Variants in RNF212 observed in about 807,000 individuals in gnomAD.
The protein encoded by RNF212 is probable E3 SUMO-protein ligase RNF212.
In RNF212, 33 loss-of-function variants were observed where a neutral mutation model predicts 34.7. That is an observed-to-expected ratio of 0.95 (90% confidence interval 0.72 to 1.27). RNF212 has a LOEUF of 1.27. RNF212 is among the 50% of genes most tolerant of loss of function. RNF212 has a pLI of 0.00. For synonymous variants in RNF212, 140 were observed against 136.1 expected (o/e 1.03, Z -0.20); for missense variants, 377 against 362.2 (o/e 1.04, Z -0.33).
chr4:1,057,054 T>A (rs1217141555), intron 4 of RNF212: 59 of 929,680 alleles, frequency 6.3e-5, no homozygotes, highest in Non-Finnish European at 7.6e-5. Flanking sequence ...GCATCTCTGG[T>A]GACACGGTAG....
intron 2 of RNF212, chr4:1,099,586 A>G (rs28515819): frequency 2.6e-6 from 1 of 385,310 alleles, no homozygotes; most frequent in Non-Finnish European, 5.2e-6. Context: ...TTAGACTTTT[A>G]AAAGTCAAGA....
chr4:1,105,801 T>C (rs1724723130), intron 2 of RNF212, among the ~76,000 whole-genome samples: 1 of 152,238 alleles, frequency 6.6e-6, no homozygotes, highest in Non-Finnish European at 1.5e-5. Flanking sequence ...GTTGGTGATG[T>C]CTCCTCACAT....
rs191845789 is a variant in RNF212 at position 1,095,184 on chromosome 4, G to C, written c.246+1581C>G. Among the ~76,000 whole-genome samples the C allele has an allele frequency of 4.0e-4, 47 of 116,204 alleles. 1 individual carries two copies. In the East Asian group the frequency reaches 0.011, roughly 27 times the overall value. The allele number at this position is 116,204 out of a possible 152,430, so 76.2% of individuals were successfully genotyped here. ...CCCACAGCTCCATGGTCTCGGGATA[G>C]CGCACCTGGCTCATCACAGAACCAA... On this transcript the variant is annotated intron_variant, in intron 3 of 9. Transcript: ENST00000433731.
chr4:1,095,473 G>A (rs78457483), intron 3 of RNF212, among the ~76,000 whole-genome samples: 3 of 22,600 alleles, frequency 1.3e-4, no homozygotes, highest in Non-Finnish European at 4.1e-4. Flanking sequence ...CCACGGTCTC[G>A]GGATAGCGCA....
At chr4:1,070,382 T>C (rs56095683), downstream of RNF212, among the ~76,000 whole-genome samples, 245 of 128,434 alleles carry the variant, frequency 1.9e-3, no homozygotes, top group Non-Finnish European at 2.5e-3. Context: ...TCAGCGTGGG[T>C]GCCTGGCCTG....
At chr4:1,059,302 C>T (rs1440928074) in intron 3 of RNF212, among the ~76,000 whole-genome samples, 1 of 152,226 alleles carries the variant, frequency 6.6e-6, no homozygotes, top group African/African-American at 2.4e-5. Context: ...CTGCAGGTGA[C>T]CCTGAGAAGG....
Position 1,071,630 on chromosome 4 carries a change from G to C in RNF212, c.*1244C>G, listed in dbSNP as rs1718504472. On this transcript the variant is annotated 3_prime_UTR_variant, in exon 10 of 10. Coordinates refer to ENST00000433731, the MANE Select transcript of RNF212 (RefSeq NM_001131034.4). The stretch of plus-strand genomic sequence containing the variant: ...AAAAAATGGGCCAAATACCTTAACA[G>C]ACACTTCAGCAAAGAAGATATGCAG... 6.6e-6 allele frequency: 1 copy of C among 152,150 alleles called. No homozygotes were observed. The highest frequency in any genetic ancestry group is 2.4e-5 in the African/African-American group (1 of 41,430). 9.4% of individuals were successfully genotyped at this position (152,150 alleles called of 1,614,324 possible). A position where few individuals can be genotyped will look rare whatever the true frequency, so the allele number is the denominator to read the frequency against.
At chr4:1,101,144 G>C (rs1222854847) in intron 2 of RNF212, 1 of 174,436 alleles carries the variant, frequency 5.7e-6, no homozygotes, top group Non-Finnish European at 1.3e-5. Flanking sequence ...ATTGGCAGAT[G>C]CTCTTTGTGG....
At position 1,081,457 on chromosome 4, in the gene RNF212, G is replaced by C. The variant is rs146814980; in HGVS notation, c.426C>G (p.His142Gln). The change falls in exon 7 of 10, where the codon CAC becomes CAG. Residue 142 changes from histidine (H) to glutamine (Q), a missense_variant. By Grantham distance (24) the His-to-Gln change is conservative (BLOSUM62 0). Coordinates refer to ENST00000433731, the MANE Select transcript of RNF212 (RefSeq NM_001131034.4). ...TIKSSVSTKP[H>Q]GCLLPPHSSA... ...ATGAGTGAGGTGGCAGCAGGCATCC[G>C]TGTGGTTTTGCTGGAAGAGTGATGA... is the stretch of plus-strand genomic sequence containing the variant. 3 of 1,613,886 alleles carry C rather than the reference G, an allele frequency of 1.9e-6. No individual in the cohort carries two copies. The highest frequency in any genetic ancestry group is 1.7e-4 in the Middle Eastern group (1 of 6,058).
intron 5 of RNF212, 83 bp from the exon 6 acceptor site, chr4:1,081,702 G>T: frequency 3.1e-6 from 3 of 953,000 alleles, no homozygotes; most frequent in Non-Finnish European, 5.0e-6. Flanking sequence ...GTGTAAGAAG[G>T]CTCTGAATCA....
chr4:1,056,819 A>C, intron 4 of RNF212: 1 of 986,940 alleles, frequency 1.0e-6, no homozygotes, highest in Non-Finnish European at 1.2e-6. Context: ...TTTCTTCCTG[A>C]GGCTGGCTGA....
At position 1,110,938 on chromosome 4, in the gene RNF212, T is replaced by C. The variant is rs549918350; in HGVS notation, c.109+2418A>G. ...TAAGAGCTAGGCAAACCTGTGAATCTATACCTGCCCCAGGCCCTTAACCAG... is the reference window on the plus strand; with the variant it reads ...TAAGAGCTAGGCAAACCTGTGAATCCATACCTGCCCCAGGCCCTTAACCAG... On this transcript the variant is annotated intron_variant, in intron 1 of 9. Coordinates refer to ENST00000433731, the MANE Select transcript of RNF212 (RefSeq NM_001131034.4). 2.0e-5 allele frequency among the ~76,000 whole-genome samples: 3 copies of C among 152,344 alleles called. No homozygotes were observed. In the South Asian group the frequency reaches 6.2e-4, roughly 32 times the overall value.
Position 1,113,378 on chromosome 4 carries a change from G to A in RNF212, c.87C>T (p.Tyr29=). The A allele has an allele frequency of 2.5e-6, 4 of 1,590,558 alleles. No homozygotes were observed. Among genetic ancestry groups the A allele is most frequent in the Non-Finnish European group, 3.4e-6 (4 of 1,170,412 alleles). Residue 29 remains tyrosine, a synonymous_variant, in exon 1 of 10, where the codon TAC becomes TAT. Transcript: ENST00000433731. The part of the protein sequence containing the change: ...CFSLTNCGHV[Y]CDACLGKGKK... ...GACCTTTGCCGAGGCAGGCGTCGCA[G>A]TACACGTGCCCGCAGTTGGTGAGGC...
chr4:1,094,051 C>CTTGCTGCAGTGGGATAACA, intron 3 of RNF212: 1 of 1,454,488 alleles, frequency 6.9e-7, no homozygotes, highest in South Asian at 1.3e-5. Context: ...AGCAAGGAAG[C>CTTGCTGCAGTGGGATAACA]TCCCAGAGGA....
At chr4:1,074,247 C>T (rs1421390107) in intron 8 of RNF212, among the ~76,000 whole-genome samples, 2 of 151,830 alleles carry the variant, frequency 1.3e-5, no homozygotes, top group Admixed American at 1.3e-4. Flanking sequence ...CCCCTCCTGC[C>T]TCTCAGTGCG....
At chr4:1,073,721 G>A (rs1422221186) in intron 8 of RNF212, 59 bp from the exon 9 acceptor site, 13 of 1,115,598 alleles carry the variant, frequency 1.2e-5, no homozygotes, top group Middle Eastern at 2.0e-4. Flanking sequence ...TACGAGATTC[G>A]GACTCCCACT....
intron 3 of RNF212, among the ~76,000 whole-genome samples, chr4:1,060,026 G>T (rs10084888): frequency 0.81 from 122,085 of 150,636 alleles, 50,184 homozygotes; most frequent in African/African-American, 0.94. Flanking sequence ...CCTGGGAGGC[G>T]GAGGTTAGGT....
In RNF212 at chr4:1,072,539, A is replaced by G. The variant is rs765360865; in HGVS notation, c.*335T>C. 1.6e-4 allele frequency: 67 copies of G among 424,362 alleles called. No individual in the cohort carries two copies. The highest frequency in any genetic ancestry group is 3.6e-4 in the South Asian group (7 of 19,550). 26.3% of individuals were successfully genotyped at this position (424,362 alleles called of 1,614,324 possible). A position where few individuals can be genotyped will look rare whatever the true frequency, so the allele number is the denominator to read the frequency against. On this transcript the variant is annotated 3_prime_UTR_variant, in exon 10 of 10. Coordinates refer to ENST00000433731, the MANE Select transcript of RNF212 (RefSeq NM_001131034.4). ...ATGGGAAATCTGTACCTTCCTTTCA[A>G]TTTTTCTGTGAACCTAAAACTGCTC...
intron 1 of RNF212, among the ~76,000 whole-genome samples, chr4:1,112,631 C>A (rs2153069531): frequency 6.6e-6 from 1 of 151,662 alleles, no homozygotes; most frequent in East Asian, 2.0e-4. Context: ...CCAGGCGGAC[C>A]CGCAGCCTGC....
Sources: allele counts gnomAD v4.1 joint callset (sites outside exome capture counted in the v4.1 genomes callset), GRCh38; gene constraint gnomAD v4.1.1; transcripts MANE v1.5; gene names NCBI Gene and HGNC (gene_info 2026-07-23, HGNC 2026-07-21).